RTTN: variants seen among roughly 807,000 people sequenced by gnomAD.
The protein encoded by RTTN is rotatin.
Under a neutral mutation model 269.2 loss-of-function variants are expected in RTTN, and 182 were observed. That is an observed-to-expected ratio of 0.68 (90% confidence interval 0.60 to 0.76). RTTN has a LOEUF of 0.76. RTTN is among the 30% of genes least tolerant of loss of function. The pLI, the probability that RTTN is intolerant of heterozygous loss-of-function variation, is 0.00. For synonymous variants in RTTN, 1,006 were observed against 963.5 expected (o/e 1.04, Z -0.82); for missense variants, 2,545 against 2,608.6 (o/e 0.98, Z 0.53).
chr18:70,063,961 T>C (rs940298410), intron 35 of RTTN, among the ~76,000 whole-genome samples: 4 of 117,378 alleles, frequency 3.4e-5, no homozygotes, highest in East Asian at 5.0e-4. Flanking sequence ...CTTTCTTTTA[T>C]ATGCTTTTTT....
intron 14 of RTTN, among the ~76,000 whole-genome samples, chr18:70,165,846 A>C (rs1254347877): frequency 1.3e-5 from 2 of 152,212 alleles, no homozygotes; most frequent in Non-Finnish European, 2.9e-5. Context: ...ATTCTTAATA[A>C]AACTTCAAAT....
At chr18:70,097,326 G>A (rs1422827082) in intron 28 of RTTN, among the ~76,000 whole-genome samples, 2 of 152,196 alleles carry the variant, frequency 1.3e-5, no homozygotes, top group African/African-American at 4.8e-5. Flanking sequence ...AAGAAACTAT[G>A]AAGCAAATCA....
intron 19 of RTTN, 25 bp downstream of exon 19, chr18:70,142,263 A>C: frequency 7.1e-7 from 1 of 1,406,220 alleles, no homozygotes; most frequent in Non-Finnish European, 1.0e-6. Context: ...GCAGTACAGC[A>C]ATCATTTCCC....
At chr18:70,034,674 G>T (rs184242042) in intron 40 of RTTN, among the ~76,000 whole-genome samples, 1 of 152,020 alleles carries the variant, frequency 6.6e-6, no homozygotes, top group South Asian at 2.1e-4. Flanking sequence ...TATTCAACAC[G>T]GTACTGGAAG....
chr18:70,042,366 CTTTTTT>C (rs1017125527), intron 40 of RTTN, among the ~76,000 whole-genome samples: 1,495 of 77,862 alleles, frequency 0.019, 5 homozygotes, highest in African/African-American at 0.068. Flanking sequence ...TTGGAATTTT[CTTTTTT>C]TTTTTTTTTT....
Position 70,030,206 on chromosome 18 carries a change from CTA to C in RTTN, c.5648-99_5648-98del. 3 of 766,216 alleles carry C rather than the reference CTA, an allele frequency of 3.9e-6. No homozygotes were observed. In the East Asian group the frequency reaches 7.9e-5, roughly 20 times the overall value. 47.5% of individuals were successfully genotyped at this position (766,216 alleles called of 1,614,324 possible). A position where few individuals can be genotyped will look rare whatever the true frequency, so the allele number is the denominator to read the frequency against. ...CAGATTCTCAAAAAGGTAACATTTT[CTA>C]TTTCTGACCCACTTCATTTTAGAAT... On this transcript the variant is annotated intron_variant, in intron 41 of 48. Transcript: ENST00000640769.
intron 11 of RTTN, among the ~76,000 whole-genome samples, chr18:70,174,193 T>C (rs930817270): frequency 2.6e-5 from 4 of 151,006 alleles, no homozygotes; most frequent in African/African-American, 7.3e-5. Context: ...TTTTTTCTGA[T>C]AGCATTTTAA....
chr18:70,132,472 AAATATT>A (rs58382036), intron 23 of RTTN, among the ~76,000 whole-genome samples: 10,702 of 152,062 alleles, frequency 0.07, 756 homozygotes, highest in African/African-American at 0.18. Context: ...ATATTTAGCT[AAATATT>A]AATAATAAAA....
At chr18:70,163,891 G>C (rs2060914081) in intron 14 of RTTN, among the ~76,000 whole-genome samples, 1 of 152,060 alleles carries the variant, frequency 6.6e-6, no homozygotes, top group African/African-American at 2.4e-5. Context: ...GTCTTAAAAA[G>C]GAATGAAATG....
intron 25 of RTTN, among the ~76,000 whole-genome samples, chr18:70,126,550 C>CT (rs1344979563): frequency 1.3e-5 from 2 of 152,060 alleles, no homozygotes; most frequent in Non-Finnish European, 2.9e-5. Context: ...ATACATACCC[C>CT]TGTAGTGCAT....
intron 24 of RTTN, 99 bp from the exon 25 acceptor site, chr18:70,127,840 T>C (rs1212468615): frequency 9.1e-7 from 1 of 1,097,936 alleles, no homozygotes; most frequent in African/African-American, 1.6e-5. Context: ...CTGTTTTATC[T>C]TCATTTTCTT....
chr18:70,201,632 A>AAC (rs1568563671), intron 4 of RTTN, among the ~76,000 whole-genome samples: 2 of 150,584 alleles, frequency 1.3e-5, no homozygotes, highest in Admixed American at 6.6e-5. Context: ...AAAAAAAAAA[A>AAC]AACTCATGTT....
At chr18:70,188,012 A>AT (rs2061585481) in intron 10 of RTTN, 96 bp downstream of exon 10, 4 of 696,458 alleles carry the variant, frequency 5.7e-6, no homozygotes, top group Non-Finnish European at 7.6e-6. Flanking sequence ...AAGAAAAAAG[A>AT]TTTTGAACAC....
Position 70,134,840 on chromosome 18 carries a change from T to C in RTTN, c.2886-299A>G, listed in dbSNP as rs73966805. Among the ~76,000 whole-genome samples, 2,497 of 152,284 alleles carry C rather than the reference T, an allele frequency of 0.016. 71 individuals carry two copies. The highest frequency in any genetic ancestry group is 0.056 in the African/African-American group (2,336 of 41,556). Reference sequence around the variant, plus strand: ...CTGCTCAAGATCAGCGCTAATCATATACTATCGTCCTAAATATCTTCCGAG... The same window carrying C: ...CTGCTCAAGATCAGCGCTAATCATACACTATCGTCCTAAATATCTTCCGAG... On this transcript the variant is annotated intron_variant, in intron 22 of 48. Transcript: ENST00000640769.
At chr18:70,052,992 G>C (rs779635050) in intron 38 of RTTN, among the ~76,000 whole-genome samples, 8 of 152,154 alleles carry the variant, frequency 5.3e-5, no homozygotes, top group Non-Finnish European at 8.8e-5. Flanking sequence ...AAAGCAAGAG[G>C]ATCAATAAAA....
rs367781423 is a variant in RTTN at position 70,193,360 on chromosome 18, C to T, written c.935G>A (p.Arg312Gln). The stretch of plus-strand genomic sequence containing the variant: ...GCCTGTGCGCCCAACCACAGAAGGC[C>T]GAGGGCTGCTGCTTCCTGGGGAAGG... ...QNPSPGSSSPRPSVVGRTGQR... is the reference protein window; with the variant it reads ...QNPSPGSSSPQPSVVGRTGQR... Residue 312 changes from arginine (R) to glutamine (Q), a missense_variant, in exon 8 of 49, where the codon CGG becomes CAG. Arg to Gln is a conservative substitution (Grantham distance 43). Coordinates refer to ENST00000640769, the MANE Select transcript of RTTN (RefSeq NM_173630.4). The T allele has an allele frequency of 2.0e-5, 32 of 1,609,888 alleles. No homozygotes were observed. Among genetic ancestry groups the T allele is most frequent in the Non-Finnish European group, 2.4e-5 (28 of 1,178,224 alleles).
At position 70,158,477 on chromosome 18, in the gene RTTN, T is replaced by C. The variant is rs141636234; in HGVS notation, c.1929+7585A>G. 4.8e-3 allele frequency among the ~76,000 whole-genome samples: 738 copies of C among 152,282 alleles called. 10 individuals are homozygous for C. Among genetic ancestry groups the C allele is most frequent in the African/African-American group, 0.017 (703 of 41,558 alleles). On this transcript the variant is annotated intron_variant, in intron 14 of 48. Transcript: ENST00000640769. ...AAAAAGGAAGCAAAAGACCATTACC[T>C]GCCTCCACAAAAACACACTAAAATA...
chr18:70,047,324 A>T (rs1347758237), intron 40 of RTTN, among the ~76,000 whole-genome samples: 1 of 152,230 alleles, frequency 6.6e-6, no homozygotes, highest in Non-Finnish European at 1.5e-5. Flanking sequence ...TTTGTAAAAA[A>T]CAATGTACAA....
intron 40 of RTTN, among the ~76,000 whole-genome samples, chr18:70,046,840 C>T (rs2057504889): frequency 6.6e-6 from 1 of 152,156 alleles, no homozygotes; most frequent in South Asian, 2.1e-4. Flanking sequence ...GGAAAGGTAA[C>T]CAGATTTTGT....
Sources: allele counts gnomAD v4.1 joint callset (sites outside exome capture counted in the v4.1 genomes callset), GRCh38; gene constraint gnomAD v4.1.1; transcripts MANE v1.5; gene names NCBI Gene and HGNC (gene_info 2026-07-23, HGNC 2026-07-21).